WLS: variants seen among roughly 807,000 people sequenced by gnomAD.
WLS encodes protein wntless homolog.
Under a neutral mutation model 62.8 loss-of-function variants are expected in WLS, and 23 were observed. The observed-to-expected ratio is 0.37, with a 90% CI of 0.26 to 0.52. WLS has a LOEUF of 0.52. WLS is among the 20% of genes least tolerant of loss of function. WLS has a pLI of 0.92. For synonymous variants in WLS, 246 were observed against 244.1 expected (o/e 1.01, Z -0.07); for missense variants, 615 against 697.3 (o/e 0.88, Z 1.33).
Position 68,201,872 on chromosome 1 carries a change from T to C in WLS, c.107-7645A>G, listed in dbSNP as rs549208280. 9.2e-5 allele frequency: 14 copies of C among 152,378 alleles called. No individual in the cohort carries two copies. In the South Asian group the frequency reaches 2.9e-3, roughly 32 times the overall value. 9.4% of individuals were successfully genotyped at this position (152,378 alleles called of 1,614,324 possible). ...TTTACAATATAAACTTATGAAATTATGGACATTTTGACAGCAATTTTCCAA... is the reference window on the plus strand; with the variant it reads ...TTTACAATATAAACTTATGAAATTACGGACATTTTGACAGCAATTTTCCAA... On this transcript the variant is annotated intron_variant, in intron 1 of 11. Transcript: ENST00000262348.
At chr1:68,116,292 C>G (rs1402850304) in intron 11 of WLS, among the ~76,000 whole-genome samples, 1 of 152,184 alleles carries the variant, frequency 6.6e-6, no homozygotes, top group Non-Finnish European at 1.5e-5. Flanking sequence ...GCATACACTT[C>G]TTATGGATGA....
rs980435044 is a variant in WLS, at chr1:68,159,325, G to A, written c.380-78C>T. 1.2e-5 allele frequency: 19 copies of A among 1,539,890 alleles called. No individual in the cohort carries two copies. The African/African-American group carries it at 2.6e-4, about 21-fold the overall frequency. On this transcript the variant is annotated intron_variant, in intron 2 of 11. Coordinates refer to ENST00000262348, the MANE Select transcript of WLS (RefSeq NM_024911.7). ...GAAACAGCTCAAAAAATTCTTATAG[G>A]CTTTGACTTGGAAACCAACGAGACA...
intron 1 of WLS, among the ~76,000 whole-genome samples, chr1:68,199,949 C>T (rs1344567799): frequency 6.6e-6 from 1 of 152,016 alleles, no homozygotes; most frequent in Non-Finnish European, 1.5e-5. Flanking sequence ...TAATAGCCTT[C>T]CTCTAAATTA....
intron 2 of WLS, among the ~76,000 whole-genome samples, chr1:68,168,237 T>C (rs1647091001): frequency 6.6e-6 from 1 of 152,078 alleles, no homozygotes; most frequent in African/African-American, 2.4e-5. Flanking sequence ...AAAAGGCCAC[T>C]AGAGCCTTAA....
chr1:68,224,320 C>T (rs913504254), intron 1 of WLS, among the ~76,000 whole-genome samples: 1 of 152,190 alleles, frequency 6.6e-6, no homozygotes, highest in Admixed American at 6.5e-5. Context: ...TTTTGGAAAT[C>T]CAGGCACAAG....
chr1:68,132,057 G>A (rs972141573), intron 11 of WLS, among the ~76,000 whole-genome samples: 1 of 152,206 alleles, frequency 6.6e-6, no homozygotes, highest in Non-Finnish European at 1.5e-5. Context: ...GGAAGCCGAA[G>A]GTTCTTCCCA....
chr1:68,230,588 C>CGCGCGCGT (rs1553139180), intron 1 of WLS, among the ~76,000 whole-genome samples: 12 of 149,050 alleles, frequency 8.1e-5, no homozygotes, highest in African/African-American at 3.0e-4. Context: ...TGTGTGCGCG[C>CGCGCGCGT]GTGTGTGTGT....
At chr1:68,199,160 G>T (rs1193686146) in intron 1 of WLS, among the ~76,000 whole-genome samples, 4 of 152,128 alleles carry the variant, frequency 2.6e-5, no homozygotes, top group African/African-American at 7.2e-5. Context: ...AGCCAACATA[G>T]ACTATTTATT....
chr1:68,228,494 G>A (rs1650259074), intron 1 of WLS, among the ~76,000 whole-genome samples: 1 of 152,024 alleles, frequency 6.6e-6, no homozygotes, highest in South Asian at 2.1e-4. Flanking sequence ...CCCCAAAGCT[G>A]CCTTTTCAGG....
At chr1:68,188,152 G>T (rs544281754) in intron 2 of WLS, among the ~76,000 whole-genome samples, 2 of 152,180 alleles carry the variant, frequency 1.3e-5, no homozygotes, top group Non-Finnish European at 2.9e-5. Flanking sequence ...CATGTAACAG[G>T]CTGCTCGAAA....
At chr1:68,224,695 G>A (rs1467393580) in intron 1 of WLS, among the ~76,000 whole-genome samples, 2 of 152,120 alleles carry the variant, frequency 1.3e-5, no homozygotes, top group African/African-American at 4.8e-5. Context: ...CCCTTGTTAA[G>A]GAAGTAATAG....
Position 68,126,080 on chromosome 1 carries a change from C to T in WLS, c.*146G>A. 6.9e-7 allele frequency: 1 copy of T among 1,446,060 alleles called. No homozygotes were observed. The highest frequency in any genetic ancestry group is 9.1e-7 in the Non-Finnish European group (1 of 1,095,560). The allele number at this position is 1,446,060 out of a possible 1,614,324, so 89.6% of individuals were successfully genotyped here. A position where few individuals can be genotyped will look rare whatever the true frequency, so the allele number is the denominator to read the frequency against. On this transcript the variant is annotated 3_prime_UTR_variant, in exon 12 of 12. Transcript: ENST00000262348. ...AAGCTACCGTCAGAAGGCAAACTGACAAATGTCCATGCCGCTGGTCCAAGA... is the reference window on the plus strand; with the variant it reads ...AAGCTACCGTCAGAAGGCAAACTGATAAATGTCCATGCCGCTGGTCCAAGA...
At chr1:68,185,775 C>T (rs904895659) in intron 2 of WLS, among the ~76,000 whole-genome samples, 5 of 152,216 alleles carry the variant, frequency 3.3e-5, no homozygotes, top group African/African-American at 9.7e-5. Flanking sequence ...TCTAGGGTGC[C>T]ATGCTCCGGG....
intron 1 of WLS, among the ~76,000 whole-genome samples, chr1:68,228,836 T>G (rs1383678486): frequency 2.1e-4 from 14 of 65,432 alleles, no homozygotes; most frequent in Non-Finnish European, 3.0e-4. Flanking sequence ...TTACAGACAC[T>G]GGTGCCAAAA....
intron 3 of WLS, among the ~76,000 whole-genome samples, chr1:68,157,244 T>C (rs1570910384): frequency 6.6e-6 from 1 of 152,222 alleles, no homozygotes; most frequent in East Asian, 1.9e-4. Flanking sequence ...ATCTCCAGGG[T>C]CACTTCTAAT....
In WLS at chr1:68,144,559, G is replaced by A. The variant is rs1646728818; in HGVS notation, c.1362+10C>T. ...GACATTCTCACCTTGACATCTCAGG[G>A]TCCACTTACCTGACTAACGATGAAG... On this transcript the variant is annotated intron_variant, in intron 10 of 11. Transcript: ENST00000262348. The A allele has an allele frequency of 6.2e-7, 1 of 1,612,236 alleles. No individual in the cohort carries two copies. Among genetic ancestry groups the A allele is most frequent in the Non-Finnish European group, 8.5e-7 (1 of 1,178,650 alleles).
chr1:68,124,193 C>T (rs1483194040), downstream of WLS, among the ~76,000 whole-genome samples: 1 of 152,186 alleles, frequency 6.6e-6, no homozygotes, highest in Non-Finnish European at 1.5e-5. Flanking sequence ...GTCCTGGTTC[C>T]AGTCTCTGTG....
Position 68,212,277 on chromosome 1 carries a change from T to C in WLS, c.107-18050A>G, listed in dbSNP as rs994926052. On this transcript the variant is annotated intron_variant, in intron 1 of 11. Coordinates refer to ENST00000262348, the MANE Select transcript of WLS (RefSeq NM_024911.7). ...AAGAGTTCACGAAGGGAAATACAGA[T>C]GGAGTCCCAGAGCTGAATGAATTTG... Among the ~76,000 whole-genome samples, 98 of 152,326 alleles carry C rather than the reference T, an allele frequency of 6.4e-4. 2 individuals carry two copies. The highest frequency in any genetic ancestry group is 1.5e-3 in the East Asian group (8 of 5,182).
rs546732621 is a variant in WLS, at chr1:68,099,003, CA to C, written c.1511-251del. 1.6e-3 allele frequency among the ~76,000 whole-genome samples: 244 copies of C among 152,184 alleles called. 1 individual carries two copies. Among genetic ancestry groups the C allele is most frequent in the African/African-American group, 4.5e-3 (186 of 41,514 alleles). On this transcript the variant is annotated intron_variant, in intron 11 of 11. Coordinates refer to the WLS transcript ENST00000354777. ...TGACAATCAGTTCCTCCACATTCAA[CA>C]AATTTTCCAACACCTCCCGAGCAGC... is the stretch of plus-strand genomic sequence containing the variant.
Sources: allele counts gnomAD v4.1 joint callset (sites outside exome capture counted in the v4.1 genomes callset), GRCh38; gene constraint gnomAD v4.1.1; transcripts MANE v1.5; gene names NCBI Gene and HGNC (gene_info 2026-07-23, HGNC 2026-07-21).